KIAA1549: variants seen among roughly 807,000 people sequenced by gnomAD.
KIAA1549 encodes KIAA1549, also known as UPF0606 protein KIAA1549.
A neutral mutation model predicts 156.4 loss-of-function variants in KIAA1549; 70 were observed. The observed-to-expected ratio is 0.45, with a 90% CI of 0.37 to 0.55. KIAA1549 has a LOEUF of 0.55. KIAA1549 is among the 20% of genes least tolerant of loss of function. The pLI is 0.00. For synonymous variants in KIAA1549, 1,103 were observed against 1,066.4 expected, an observed-to-expected ratio of 1.03 and a Z score of -0.67; for missense variants, 2,428 against 2,540.9, an observed-to-expected ratio of 0.96 and a Z score of 0.96.
At chr7:138,954,539 G>A (rs1258361533) in intron 1 of KIAA1549, among the ~76,000 whole-genome samples, 2 of 152,142 alleles carry the variant, frequency 1.3e-5, no homozygotes, top group Admixed American at 6.5e-5. Flanking sequence ...AACTCCTCAG[G>A]CTCCTGTTCT....
chr7:138,861,701 A>G (rs953454478), intron 15 of KIAA1549, among the ~76,000 whole-genome samples: 7 of 151,458 alleles, frequency 4.6e-5, no homozygotes, highest in Non-Finnish European at 1.0e-4. Context: ...AAAAAAAAAA[A>G]AAAAGAAAAA....
intron 18 of KIAA1549, among the ~76,000 whole-genome samples, chr7:138,840,615 C>A (rs1250723851): frequency 6.6e-6 from 1 of 152,198 alleles, no homozygotes; most frequent in Non-Finnish European, 1.5e-5. Context: ...TGACATTCAT[C>A]CCTAAGCCTA....
intron 18 of KIAA1549, among the ~76,000 whole-genome samples, chr7:138,843,575 T>C (rs1809984430): frequency 6.6e-6 from 1 of 152,224 alleles, no homozygotes; most frequent in Non-Finnish European, 1.5e-5. Flanking sequence ...TTTCACCTAA[T>C]AGAAATTTAA....
Position 138,881,519 on chromosome 7 carries a change from G to A in KIAA1549, c.4098C>T (p.Asp1366=), listed in dbSNP as rs528591379. The change falls in exon 11 of 20, where the codon GAC becomes GAT. Residue 1366 remains aspartate, a synonymous_variant. Coordinates refer to ENST00000422774, the MANE Select transcript of KIAA1549 (RefSeq NM_001164665.2). ...AKQHLGQHNK[D]DILIIHEPAP... is the part of the protein sequence containing the mutation. Reference sequence around the variant, plus strand: ...CTGGCTCATGAATAATCAATATGTCGTCTTTATTGTGCTGACCCAGATGCT... The same window carrying A: ...CTGGCTCATGAATAATCAATATGTCATCTTTATTGTGCTGACCCAGATGCT... 106 of 1,613,928 alleles carry A rather than the reference G, an allele frequency of 6.6e-5. No individual in the cohort carries two copies. Among genetic ancestry groups the A allele is most frequent in the East Asian group, 2.7e-4 (12 of 44,884 alleles).
intron 17 of KIAA1549, 24 bp downstream of exon 17, chr7:138,852,199 T>A: frequency 6.4e-7 from 1 of 1,572,702 alleles, no homozygotes; most frequent in Non-Finnish European, 8.7e-7. Flanking sequence ...AAAGTGATAA[T>A]ACATTTTGTT....
At chr7:138,970,796 G>C (rs185642405) in intron 1 of KIAA1549, among the ~76,000 whole-genome samples, 170 of 152,314 alleles carry the variant, frequency 1.1e-3, no homozygotes, top group African/African-American at 3.8e-3. Context: ...AAGATCATCT[G>C]TTTTGTATGT....
chr7:138,909,140 A>C lies in KIAA1549; in HGVS notation c.3146-19T>G. On this transcript the variant is annotated intron_variant, in intron 4 of 19. Transcript: ENST00000422774. ...TGAAGTACTGAAAAGAAAAGCAATCAAAGTCCCATAAATGAGGTGTTTGTG... is the reference window on the plus strand; with the variant it reads ...TGAAGTACTGAAAAGAAAAGCAATCCAAGTCCCATAAATGAGGTGTTTGTG... The C allele has an allele frequency of 6.2e-7, 1 of 1,603,426 alleles. No homozygotes were observed. Among genetic ancestry groups the C allele is most frequent in the Middle Eastern group, 1.7e-4 (1 of 6,050 alleles).
chr7:138,842,156 G>A (rs570348901), intron 18 of KIAA1549, among the ~76,000 whole-genome samples: 1 of 152,318 alleles, frequency 6.6e-6, no homozygotes, highest in African/African-American at 2.4e-5. Flanking sequence ...ACTGCACAGG[G>A]AGAAAAGCAC....
In KIAA1549 at chr7:138,837,277, G is replaced by A. The variant is rs1424498332; in HGVS notation, c.*629C>T. 4.4e-6 allele frequency: 1 copy of A among 228,430 alleles called. No homozygotes were observed. Among genetic ancestry groups the A allele is most frequent in the African/African-American group, 2.2e-5 (1 of 45,058 alleles). The allele number at this position is 228,430 out of a possible 1,614,324, so 14.2% of individuals were successfully genotyped here. On this transcript the variant is annotated 3_prime_UTR_variant, in exon 20 of 20. Transcript: ENST00000422774. ...GACATGAAGGTGAAGGGCCCTTGGA[G>A]CTGTAGCACCAGAAGAAGGAGGAAG...
chr7:138,861,798 G>A (rs572577296), intron 15 of KIAA1549, among the ~76,000 whole-genome samples: 65 of 152,034 alleles, frequency 4.3e-4, no homozygotes, highest in Non-Finnish European at 7.9e-4. Flanking sequence ...TTGAGCCCAG[G>A]AATTTGAGCT....
At chr7:138,845,038 C>T (rs1257505271) in intron 17 of KIAA1549, among the ~76,000 whole-genome samples, 2 of 151,938 alleles carry the variant, frequency 1.3e-5, no homozygotes, top group Non-Finnish European at 2.9e-5. Context: ...GGATCGCAAA[C>T]TTTTTTTTAT....
At chr7:138,860,480 T>C (rs947365305) in intron 16 of KIAA1549, among the ~76,000 whole-genome samples, 1 of 152,260 alleles carries the variant, frequency 6.6e-6, no homozygotes, top group Non-Finnish European at 1.5e-5. Context: ...CAAACCTTAG[T>C]CCAATCATTT....
chr7:138,849,657 T>C (rs539201410), intron 17 of KIAA1549, among the ~76,000 whole-genome samples: 53 of 152,186 alleles, frequency 3.5e-4, no homozygotes, highest in South Asian at 2.5e-3. Context: ...TATTTCATCA[T>C]CTCCTAGGTA....
rs201550744 is a variant in KIAA1549, at chr7:138,841,892, T to TAAA, written c.5453-1617_5453-1615dup. On this transcript the variant is annotated intron_variant, in intron 18 of 19. Transcript: ENST00000422774. ...ACAACCTCAATTAATCAACCACATT[T>TAAA]AAAAAAAAAAAAAAAGAACTCCTCG... 1.9e-3 allele frequency among the ~76,000 whole-genome samples: 269 copies of TAAA among 141,650 alleles called. 1 individual carries two copies. Among genetic ancestry groups the TAAA allele is most frequent in the South Asian group, 4.4e-3 (20 of 4,500 alleles). 92.9% of individuals were successfully genotyped at this position (141,650 alleles called of 152,430 possible).
intron 7 of KIAA1549, among the ~76,000 whole-genome samples, chr7:138,904,061 C>T (rs955062086): frequency 1.2e-4 from 19 of 152,152 alleles, no homozygotes; most frequent in Non-Finnish European, 2.6e-4. Context: ...GGAGCTTTGG[C>T]GCAAAGGGCG....
chr7:138,966,774 G>T (rs1814037235), intron 1 of KIAA1549, among the ~76,000 whole-genome samples: 1 of 151,968 alleles, frequency 6.6e-6, no homozygotes, highest in Non-Finnish European at 1.5e-5. Context: ...CAATCCAATC[G>T]AGTTGACACT....
At chr7:138,952,224 G>A (rs1314586780) in intron 1 of KIAA1549, among the ~76,000 whole-genome samples, 1 of 152,176 alleles carries the variant, frequency 6.6e-6, no homozygotes, top group Non-Finnish European at 1.5e-5. Context: ...TCTGCACAAG[G>A]TCAAGAGCCA....
chr7:138,935,636 T>C (rs1433594841), intron 1 of KIAA1549, among the ~76,000 whole-genome samples: 1 of 152,132 alleles, frequency 6.6e-6, no homozygotes, highest in Non-Finnish European at 1.5e-5. Context: ...TGACTAAGCA[T>C]GAGCAGGCAC....
chr7:138,981,318 C>T lies in KIAA1549; in HGVS notation c.-49G>A, dbSNP rs1441296823. ...CCTCGCGGCTCAGCGGCTCTCGGGT[C>T]CGGGAGGGGCGGCCGCTGCGGCTGC... On this transcript the variant is annotated 5_prime_UTR_variant, in exon 1 of 20. Transcript: ENST00000422774. This position sits in a 1 kb window ranked among gnomAD's most constrained non-coding sequence, Gnocchi z 4.5. 2 of 802,594 alleles carry T rather than the reference C, an allele frequency of 2.5e-6. No homozygotes were observed. The highest frequency in any genetic ancestry group is 6.3e-4 in the Middle Eastern group (1 of 1,600). The allele number at this position is 802,594 out of a possible 1,614,324, so 49.7% of individuals were successfully genotyped here.
Sources: allele counts gnomAD v4.1 joint callset (sites outside exome capture counted in the v4.1 genomes callset), GRCh38; gene constraint gnomAD v4.1.1; non-coding constraint Gnocchi (gnomAD v3.1); transcripts MANE v1.5; gene names NCBI Gene and HGNC (gene_info 2026-07-23, HGNC 2026-07-21).